The following TYW1B variants were observed in gnomAD, a reference collection of about 807,000 sequenced individuals.
TYW1B encodes the protein S-adenosyl-L-methionine-dependent tRNA 4-demethylwyosine synthase TYW1B.
A neutral mutation model predicts 86.9 loss-of-function variants in TYW1B; 73 were observed. The observed-to-expected ratio is 0.84, with a 90% CI of 0.70 to 1.02. The LOEUF (loss-of-function observed/expected upper bound fraction) is 1.02. Among genes scored for constraint, TYW1B ranks in the 50% least tolerant of loss-of-function variants. The pLI is 0.00. For missense variants in TYW1B, 637 were observed against 827.4 expected (o/e 0.77, Z 2.82); for synonymous variants, 248 against 292.8 (o/e 0.85, Z 1.56).
chr7:72,799,930 G>A (rs1334007988), intron 6 of TYW1B, among the ~76,000 whole-genome samples: 1 of 151,936 alleles, frequency 6.6e-6, no homozygotes, highest in Non-Finnish European at 1.5e-5. Flanking sequence ...ATTGCTTCTA[G>A]ATTTTGAATC....
intron 11 of TYW1B, among the ~76,000 whole-genome samples, chr7:72,635,054 T>C (rs1812633937): frequency 6.6e-6 from 1 of 152,198 alleles, no homozygotes; most frequent in African/African-American, 2.4e-5. Flanking sequence ...AAAGGATCAT[T>C]CCATGCTATC....
At chr7:72,669,206 G>A (rs537839596) in intron 11 of TYW1B, among the ~76,000 whole-genome samples, 39 of 142,064 alleles carry the variant, frequency 2.7e-4, no homozygotes, top group African/African-American at 9.5e-4. Flanking sequence ...ATGCAATGGC[G>A]CTATCTCGGC....
At chr7:72,692,341 T>C (rs191743302) in intron 11 of TYW1B, among the ~76,000 whole-genome samples, 1 of 151,370 alleles carries the variant, frequency 6.6e-6, no homozygotes, top group Admixed American at 6.6e-5. Flanking sequence ...TTTGAGACTG[T>C]CTCTACAAAA....
At chr7:72,742,333 T>C (rs1787320155) in intron 8 of TYW1B, among the ~76,000 whole-genome samples, 1 of 152,178 alleles carries the variant, frequency 6.6e-6, no homozygotes, top group African/African-American at 2.4e-5. Context: ...TTTCATCATG[T>C]TACCCAGACA....
chr7:72,688,141 A>T (rs562713510), intron 11 of TYW1B, among the ~76,000 whole-genome samples: 1 of 152,240 alleles, frequency 6.6e-6, no homozygotes, highest in East Asian at 1.9e-4. Flanking sequence ...ACTGTAGAAG[A>T]TGTAATACAA....
At chr7:72,669,337 G>A (rs868941634) in intron 11 of TYW1B, among the ~76,000 whole-genome samples, 41 of 151,160 alleles carry the variant, frequency 2.7e-4, no homozygotes, top group East Asian at 1.6e-3. Flanking sequence ...GTAGAGATGG[G>A]GTTTCACCAT....
intron 8 of TYW1B, among the ~76,000 whole-genome samples, chr7:72,737,786 T>TC (rs1787223169): frequency 1.4e-5 from 1 of 70,952 alleles, no homozygotes; most frequent in African/African-American, 4.9e-5. Context: ...ACATTTTACT[T>TC]CTTTTTTTTT....
intron 10 of TYW1B, among the ~76,000 whole-genome samples, chr7:72,710,680 C>T (rs186049783): frequency 6.6e-5 from 10 of 152,020 alleles, no homozygotes; most frequent in Admixed American, 2.0e-4. Context: ...TGGTGGCGTG[C>T]GCCTGTAGTC....
intron 13 of TYW1B, among the ~76,000 whole-genome samples, chr7:72,613,401 CTTTTTTTTTTTTT>C (rs71517349): frequency 1.2e-5 from 1 of 80,966 alleles, no homozygotes; most frequent in Non-Finnish European, 2.2e-5. Context: ...TTTATATCTT[CTTTTTTTTTTTTT>C]TTTTTTTTTT....
At position 72,811,701 on chromosome 7, in the gene TYW1B, C is replaced by G. The variant is rs775773287; in HGVS notation, c.238-1036G>C. Among the ~76,000 whole-genome samples the G allele has an allele frequency of 2.0e-5, 3 of 151,740 alleles. No individual in the cohort carries two copies. The East Asian group carries it at 5.8e-4, about 29-fold the overall frequency. On this transcript the variant is annotated intron_variant, in intron 3 of 13. Coordinates refer to ENST00000620995, the MANE Select transcript of TYW1B (RefSeq NM_001145440.3). ...CTGAGGCGGGTGGATCACTTGAGGT[C>G]AGGAGTTCAAGACCAGCCTAAGCAA...
At chr7:72,617,618 C>A (rs1471968553) in intron 12 of TYW1B, among the ~76,000 whole-genome samples, 2 of 152,232 alleles carry the variant, frequency 1.3e-5, no homozygotes, top group Non-Finnish European at 1.5e-5. Context: ...CTACCTGCCC[C>A]GGCCTCCCAA....
intron 13 of TYW1B, among the ~76,000 whole-genome samples, chr7:72,602,600 A>T (rs1554433950): frequency 6.6e-6 from 1 of 152,094 alleles, no homozygotes; most frequent in African/African-American, 2.4e-5. Context: ...TCAACTTACA[A>T]TGGGGTTATG....
chr7:72,818,829 AACTC>A, intron 2 of TYW1B, among the ~76,000 whole-genome samples: 2 of 151,932 alleles, frequency 1.3e-5, no homozygotes, highest in Non-Finnish European at 2.9e-5. Context: ...ATCTCATGAG[AACTC>A]ACTCACTGTC....
intron 9 of TYW1B, among the ~76,000 whole-genome samples, chr7:72,717,644 GAC>G (rs71071905): frequency 0.47 from 67,958 of 145,704 alleles, 15,343 homozygotes; most frequent in South Asian, 0.5. Flanking sequence ...AGCTGTGCTT[GAC>G]ACACACACAC....
At chr7:72,760,326 A>G (rs1388111103) in intron 7 of TYW1B, among the ~76,000 whole-genome samples, 1 of 152,234 alleles carries the variant, frequency 6.6e-6, no homozygotes, top group Non-Finnish European at 1.5e-5. Context: ...TGCTGTACCC[A>G]AAATTTTGGC....
intron 13 of TYW1B, among the ~76,000 whole-genome samples, chr7:72,591,712 A>G (rs1811399707): frequency 6.6e-6 from 1 of 152,358 alleles, no homozygotes; most frequent in South Asian, 2.1e-4. Context: ...GGCACTAGAC[A>G]GTAATTTGAA....
intron 4 of TYW1B, among the ~76,000 whole-genome samples, chr7:72,810,009 A>T (rs1586001276): frequency 6.6e-6 from 1 of 151,346 alleles, no homozygotes; most frequent in Non-Finnish European, 1.5e-5. Context: ...CAAAAAAAAA[A>T]AAAAAAACAC....
intron 7 of TYW1B, among the ~76,000 whole-genome samples, chr7:72,767,481 G>A (rs1554468727): frequency 6.6e-6 from 1 of 151,652 alleles, no homozygotes; most frequent in Non-Finnish European, 1.5e-5. Context: ...GTGGTGGCGG[G>A]CGCCTGTAGT....
intron 11 of TYW1B, among the ~76,000 whole-genome samples, chr7:72,635,741 T>C (rs1812651088): frequency 6.6e-6 from 1 of 152,256 alleles, no homozygotes; most frequent in South Asian, 2.1e-4. Flanking sequence ...TATAAGCCAG[T>C]GTTGCTCAAT....
Sources: gnomAD v4.1 joint callset for allele counts (sites outside exome capture counted in the v4.1 genomes callset) on GRCh38, gnomAD v4.1.1 for gene constraint, MANE v1.5 for transcripts, NCBI Gene and HGNC (gene_info 2026-07-23, HGNC 2026-07-21) for gene names.